Variants in RABL6 observed in about 807,000 individuals in gnomAD.
RABL6 encodes RAB, member RAS oncogene family like 6.
RABL6 carries 28 observed loss-of-function variants against 72.9 expected under a neutral mutation model. That is an observed-to-expected ratio of 0.38 (90% CI 0.28 to 0.53). The LOEUF is 0.53. Ranked by LOEUF, RABL6 falls within the 20% of genes least tolerant of loss-of-function variation. The probability of loss-of-function intolerance (pLI) is 0.80; values close to 1 mark genes in which losing one functional copy is unlikely to be tolerated. For missense variants in RABL6, 1,029 were observed against 1,008.4 expected (o/e 1.02, Z -0.28); for synonymous variants, 477 against 421.2 (o/e 1.13, Z -1.62).
At chr9:136,823,788 C>A in intron 2 of RABL6, 129 bp downstream of exon 2, 1 of 1,233,140 alleles carries the variant, frequency 8.1e-7, no homozygotes, top group Non-Finnish European at 1.1e-6. Context: ...ACCCTGCTGA[C>A]GTGGGGGCCC....
intron 4 of RABL6, among the ~76,000 whole-genome samples, 191 bp from the exon 5 acceptor site, chr9:136,829,202 T>C (rs1377016313): frequency 1.3e-5 from 2 of 152,268 alleles, no homozygotes; most frequent in African/African-American, 4.8e-5. Flanking sequence ...TCAGCGAGGC[T>C]GGTGTTGACC....
intron 5 of RABL6, among the ~76,000 whole-genome samples, chr9:136,830,027 G>T (rs1271704213): frequency 1.3e-5 from 2 of 152,240 alleles, no homozygotes; most frequent in Non-Finnish European, 2.9e-5. Flanking sequence ...AGCCCCAGCG[G>T]GGGGGTGCTG....
In RABL6 at chr9:136,839,466, T is replaced by A; in HGVS notation, c.1738T>A (p.Ser580Thr). ...MDDPDFESEG[S>T]DTQRRADDFP... is the part of the protein sequence containing the mutation. ...TGACCCCGACTTTGAGAGCGAGGGATCAGACACACAGCGCAGGGCGGTAAG... is the reference window on the plus strand; with the variant it reads ...TGACCCCGACTTTGAGAGCGAGGGAACAGACACACAGCGCAGGGCGGTAAG... The change falls in exon 12 of 15, where the codon TCA becomes ACA. Residue 580 changes from serine to threonine, a missense_variant. Coordinates refer to ENST00000311502, the MANE Select transcript of RABL6 (RefSeq NM_024718.5). The A allele has an allele frequency of 6.2e-7, 1 of 1,612,342 alleles. No homozygotes were observed. The highest frequency in any genetic ancestry group is 8.5e-7 in the Non-Finnish European group (1 of 1,179,644).
intron 7 of RABL6, chr9:136,833,454 G>A: frequency 6.2e-6 from 3 of 480,456 alleles, no homozygotes; most frequent in South Asian, 2.0e-5. Context: ...TGGGTCTGGG[G>A]GACCTGTACC....
chr9:136,808,217 G>A lies in RABL6; in HGVS notation c.21G>A (p.Lys7=). 6.4e-7 allele frequency: 1 copy of A among 1,552,062 alleles called. No individual in the cohort carries two copies. Among genetic ancestry groups the A allele is most frequent in the East Asian group, 2.6e-5 (1 of 38,620 alleles). ...GGAAGATGTTTTCCGCCCTGAAGAAGCTGGTGGGGTCGGACCAGGCCCCGG... is the reference window on the plus strand; with the variant it reads ...GGAAGATGTTTTCCGCCCTGAAGAAACTGGTGGGGTCGGACCAGGCCCCGG... MFSALK[K]LVGSDQAPGR... Residue 7 remains lysine, a synonymous_variant, in exon 1 of 15, where the codon AAG becomes AAA. Transcript: ENST00000311502.
At chr9:136,816,254 G>A (rs1180136850) in intron 1 of RABL6, among the ~76,000 whole-genome samples, 2 of 152,098 alleles carry the variant, frequency 1.3e-5, no homozygotes, top group African/African-American at 2.4e-5. Context: ...ACAGGTGCAC[G>A]CCACCATGCC....
chr9:136,819,238 C>T (rs985120305), intron 1 of RABL6, among the ~76,000 whole-genome samples: 5 of 149,442 alleles, frequency 3.3e-5, no homozygotes, highest in Non-Finnish European at 3.0e-5. Flanking sequence ...AGGAGAATGG[C>T]GTGAACCCGG....
At chr9:136,834,304 C>G in intron 7 of RABL6, 1 of 1,035,954 alleles carries the variant, frequency 9.7e-7, no homozygotes, top group Non-Finnish European at 1.2e-6. Context: ...AAATAAGCCA[C>G]AATAACAAAT....
intron 1 of RABL6, among the ~76,000 whole-genome samples, chr9:136,819,860 C>A (rs1169852166): frequency 6.6e-6 from 1 of 151,182 alleles, no homozygotes. Context: ...CCCAGGAGGT[C>A]GAGACCAGCT....
chr9:136,834,737 C>A (rs1848554251), intron 7 of RABL6, among the ~76,000 whole-genome samples: 1 of 152,066 alleles, frequency 6.6e-6, no homozygotes, highest in African/African-American at 2.4e-5. Context: ...TTGGCCCCCC[C>A]AAAGTGCTGG....
intron 1 of RABL6, chr9:136,808,978 C>T (rs1847940737): frequency 6.6e-6 from 1 of 152,186 alleles, no homozygotes; most frequent in Non-Finnish European, 1.5e-5. Context: ...GCCTGGGACG[C>T]TCCATTCCTT....
At chr9:136,818,226 G>C (rs1485184018) in intron 1 of RABL6, among the ~76,000 whole-genome samples, 1 of 150,966 alleles carries the variant, frequency 6.6e-6, no homozygotes, top group Non-Finnish European at 1.5e-5. Context: ...AGACGGGCGT[G>C]GTGGCGGGCG....
chr9:136,822,540 C>T (rs143750010), intron 1 of RABL6, among the ~76,000 whole-genome samples: 258 of 152,316 alleles, frequency 1.7e-3, no homozygotes, highest in African/African-American at 5.8e-3. Context: ...CCAGCACCTC[C>T]GCAGGCTGGG....
Position 136,838,579 on chromosome 9 carries a change from G to T in RABL6, c.1281-330G>T, listed in dbSNP as rs374848478. Reference sequence around the variant, plus strand: ...CAGCCTCACCCATTGCTGTGGGGCAGCGGCTTCCTCCAGAAATACACAAAG... The same window carrying T: ...CAGCCTCACCCATTGCTGTGGGGCATCGGCTTCCTCCAGAAATACACAAAG... On this transcript the variant is annotated intron_variant, in intron 10 of 14. Transcript: ENST00000311502. 3.9e-5 allele frequency among the ~76,000 whole-genome samples: 6 copies of T among 152,242 alleles called. No homozygotes were observed. In the East Asian group the frequency reaches 5.8e-4, roughly 15 times the overall value.
intron 3 of RABL6, 89 bp from the exon 4 acceptor site, chr9:136,828,405 G>A: frequency 7.4e-7 from 1 of 1,351,794 alleles, no homozygotes; most frequent in Non-Finnish European, 1.0e-6. Flanking sequence ...CTGGAGCTGG[G>A]GGCTGAGTGG....
intron 1 of RABL6, chr9:136,813,443 A>G: frequency 1.7e-6 from 1 of 602,750 alleles, no homozygotes; most frequent in East Asian, 3.2e-5. Flanking sequence ...TCTAGTCTTG[A>G]TTTAGACCTT....
At chr9:136,831,684 G>C (rs544893561) in intron 5 of RABL6, 37 bp from the exon 6 acceptor site, 1 of 1,610,530 alleles carries the variant, frequency 6.2e-7, no homozygotes. Flanking sequence ...GGCGTCGCAG[G>C]GCTGAAACTA....
In RABL6 at chr9:136,840,782, G is replaced by C; in HGVS notation, c.*260G>C. 6.5e-7 allele frequency: 1 copy of C among 1,547,920 alleles called. No homozygotes were observed. The highest frequency in any genetic ancestry group is 1.2e-5 in the South Asian group (1 of 83,982). ...TCGGTGGACACCCTGGCCCTCTCGG[G>C]GCAGAGCCGCCAGTGTTTCTCAGGG... On this transcript the variant is annotated 3_prime_UTR_variant, in exon 15 of 15. Transcript: ENST00000311502.
chr9:136,838,234 C>A (rs1451391774), intron 10 of RABL6, among the ~76,000 whole-genome samples: 1 of 152,236 alleles, frequency 6.6e-6, no homozygotes, highest in Non-Finnish European at 1.5e-5. Flanking sequence ...TCTGCCCACA[C>A]CCTGGAGAGG....
Sources: allele counts gnomAD v4.1 joint callset (sites outside exome capture counted in the v4.1 genomes callset), GRCh38; gene constraint gnomAD v4.1.1; transcripts MANE v1.5; gene names NCBI Gene and HGNC (gene_info 2026-07-23, HGNC 2026-07-21).